Variants in STYXL2 observed in about 807,000 individuals in gnomAD.
The protein encoded by STYXL2 is serine/threonine/tyrosine interacting like 2, also known as serine/threonine/tyrosine-interacting-like protein 2.
In STYXL2, 44 loss-of-function variants were observed where a neutral mutation model predicts 52.4. The ratio of observed to expected loss-of-function variants is 0.84; its 90% CI spans 0.66 to 1.08. The LOEUF is 1.08. STYXL2 is among the 50% of genes least tolerant of loss of function. The pLI, the probability that STYXL2 is intolerant of heterozygous loss-of-function variation, is 0.00. For synonymous variants in STYXL2, 604 were observed against 586.9 expected, an observed-to-expected ratio of 1.03 and a Z score of -0.42; for missense variants, 1,604 against 1,471.7, an observed-to-expected ratio of 1.09 and a Z score of -1.47.
intron 2 of STYXL2, among the ~76,000 whole-genome samples, chr1:167,112,575 C>A (rs1667641916): frequency 6.6e-6 from 1 of 152,166 alleles, no homozygotes; most frequent in South Asian, 2.1e-4. Context: ...GTCTGGGAAT[C>A]CAGCTGGGGT....
At chr1:167,113,538 A>C (rs890852700) in intron 2 of STYXL2, among the ~76,000 whole-genome samples, 172 bp from the exon 3 acceptor site, 10 of 152,218 alleles carry the variant, frequency 6.6e-5, no homozygotes, top group Non-Finnish European at 1.5e-4. Flanking sequence ...CATCTGAGTC[A>C]CATGATACCC....
intron 3 of STYXL2, among the ~76,000 whole-genome samples, chr1:167,114,801 G>T (rs996880138): frequency 1.3e-5 from 2 of 151,920 alleles, no homozygotes; most frequent in South Asian, 2.1e-4. Flanking sequence ...CTGTTGTCTT[G>T]CTCCAAGATA....
chr1:167,112,879 C>T (rs1667647142), intron 2 of STYXL2, among the ~76,000 whole-genome samples: 2 of 152,198 alleles, frequency 1.3e-5, no homozygotes, highest in South Asian at 4.1e-4. Context: ...AAAGACTAAG[C>T]AGAAAAAAGA....
chr1:167,117,936 C>T (rs1667764249), intron 4 of STYXL2, among the ~76,000 whole-genome samples: 1 of 152,176 alleles, frequency 6.6e-6, no homozygotes, highest in African/African-American at 2.4e-5. Context: ...TATGTAATTA[C>T]CAACATTGGA....
intron 2 of STYXL2, among the ~76,000 whole-genome samples, chr1:167,102,464 A>T (rs1160383555): frequency 6.6e-6 from 1 of 152,198 alleles, no homozygotes; most frequent in African/African-American, 2.4e-5. Context: ...AATCAAAAAA[A>T]TCAGAATACC....
intron 2 of STYXL2, among the ~76,000 whole-genome samples, chr1:167,096,330 A>G (rs1038226388): frequency 6.6e-6 from 1 of 152,220 alleles, no homozygotes; most frequent in African/African-American, 2.4e-5. Flanking sequence ...GATTTAACAT[A>G]GGTCCTCCTC....
rs61748779 is a variant in STYXL2 at position 167,127,724 on chromosome 1, C to T, written c.2593C>T (p.Arg865Cys). The T allele has an allele frequency of 1.1e-3, 1,823 of 1,613,826 alleles. 3 individuals are homozygous for T. Among genetic ancestry groups the T allele is most frequent in the Non-Finnish European group, 1.3e-3 (1,503 of 1,179,992 alleles). Residue 865 changes from arginine (R) to cysteine (C), a missense_variant, in exon 6 of 6, where the codon CGC (arginine) becomes TGC (cysteine). Coordinates refer to ENST00000361200, the MANE Select transcript of STYXL2 (RefSeq NM_001080426.3). Reference sequence around the variant, plus strand: ...GGAAAAGCTGGCCTCAGACAACAAACGCAGCTCCCTCTTCAAGAAGAAGAA... The same window carrying T: ...GGAAAAGCTGGCCTCAGACAACAAATGCAGCTCCCTCTTCAAGAAGAAGAA... ...KMEKLASDNK[R>C]SSLFKKKKVK...
intron 2 of STYXL2, among the ~76,000 whole-genome samples, chr1:167,098,272 G>A (rs1014582408): frequency 6.6e-6 from 1 of 152,024 alleles, no homozygotes; most frequent in African/African-American, 2.4e-5. Flanking sequence ...AGCTCTCAAA[G>A]TGCTGGGATT....
intron 4 of STYXL2, among the ~76,000 whole-genome samples, chr1:167,118,993 C>G (rs996375562): frequency 2.0e-5 from 3 of 152,202 alleles, no homozygotes; most frequent in African/African-American, 7.2e-5. Context: ...TCAAATGTTT[C>G]CTTACACATC....
chr1:167,111,837 C>T (rs1261367066), intron 2 of STYXL2, among the ~76,000 whole-genome samples: 1 of 151,924 alleles, frequency 6.6e-6, no homozygotes, highest in Non-Finnish European at 1.5e-5. Flanking sequence ...TCAGAAATCA[C>T]CACTAAAGAA....
intron 5 of STYXL2, among the ~76,000 whole-genome samples, chr1:167,121,616 G>A (rs1667859057): frequency 6.6e-6 from 1 of 152,260 alleles, no homozygotes; most frequent in Non-Finnish European, 1.5e-5. Flanking sequence ...CGCGGAGGCG[G>A]AGTCGGTGCC....
chr1:167,119,332 C>G lies in STYXL2; in HGVS notation c.521C>G (p.Thr174Ser). ...GCTGCGCATGGCACCGGCGTTTACA[C>G]TGGCCCCGAATTCTACACTGGCCTG... ...LNAAHGTGVY[T>S]GPEFYTGLEI... Residue 174 changes from threonine to serine, a missense_variant, in exon 5 of 6, where the codon ACT (threonine) becomes AGT (serine). Transcript: ENST00000361200. 1 of 1,614,092 alleles carries G rather than the reference C, an allele frequency of 6.2e-7. No individual in the cohort carries two copies. The highest frequency in any genetic ancestry group is 8.5e-7 in the Non-Finnish European group (1 of 1,180,004).
In STYXL2 at chr1:167,127,451, C is replaced by T; in HGVS notation, c.2320C>T (p.His774Tyr). Reference sequence around the variant, plus strand: ...TGACCAAGTCTCCATGCTTAGTGGACACAGCAGCTCCTCCTTGGGTGGCTG... The same window carrying T: ...TGACCAAGTCTCCATGCTTAGTGGATACAGCAGCTCCTCCTTGGGTGGCTG... ...GDDQVSMLSG[H>Y]SSSSLGGCLL... The change falls in exon 6 of 6, where the codon CAC becomes TAC. Residue 774 changes from histidine to tyrosine, a missense_variant. Coordinates refer to ENST00000361200, the MANE Select transcript of STYXL2 (RefSeq NM_001080426.3). 3 of 1,614,090 alleles carry T rather than the reference C, an allele frequency of 1.9e-6. No homozygotes were observed. The highest frequency in any genetic ancestry group is 2.5e-6 in the Non-Finnish European group (3 of 1,179,996).
chr1:167,103,448 C>T (rs1465081812), intron 2 of STYXL2, among the ~76,000 whole-genome samples: 4 of 152,160 alleles, frequency 2.6e-5, no homozygotes, highest in African/African-American at 9.7e-5. Flanking sequence ...CCAAAATTAG[C>T]AGGGATGTAC....
chr1:167,095,454 T>C (rs1282053568), intron 2 of STYXL2, among the ~76,000 whole-genome samples: 3 of 152,106 alleles, frequency 2.0e-5, no homozygotes, highest in African/African-American at 4.8e-5. Context: ...AACTGGGACA[T>C]GTGCATGCCT....
intron 3 of STYXL2, among the ~76,000 whole-genome samples, chr1:167,116,246 C>A (rs1667719081): frequency 6.6e-6 from 1 of 152,098 alleles, no homozygotes; most frequent in Non-Finnish European, 1.5e-5. Context: ...AAACTGTGAG[C>A]AAATATATTA....
chr1:167,116,497 A>G lies in STYXL2; in HGVS notation c.206-831A>G, dbSNP rs1313332211. 2.6e-5 allele frequency among the ~76,000 whole-genome samples: 4 copies of G among 152,354 alleles called. No homozygotes were observed. The East Asian group carries it at 7.7e-4, about 29-fold the overall frequency. On this transcript the variant is annotated intron_variant, in intron 3 of 5. Transcript: ENST00000361200. ...TAAATCAGTAAATTAGGTGTATATT[A>G]GAAGGCAATATTGCATAAATTACTG...
At position 167,128,602 on chromosome 1, in the gene STYXL2, G is replaced by A. The variant is rs1170982894; in HGVS notation, c.3471G>A (p.Glu1157=). The change falls in exon 6 of 6, where the codon GAG becomes GAA. Residue 1157 remains glutamate (E), a synonymous_variant. Coordinates refer to ENST00000361200, the MANE Select transcript of STYXL2 (RefSeq NM_001080426.3). Reference sequence around the variant, plus strand: ...GGACCAAGCTGCAGAAAAGGAGGGAGGACTGAGCTGGGGAAAATCTGAGAA... The same window carrying A: ...GGACCAAGCTGCAGAAAAGGAGGGAAGACTGAGCTGGGGAAAATCTGAGAA... ...ETRTKLQKRR[E]D is the part of the protein sequence containing the mutation. 6.2e-7 allele frequency: 1 copy of A among 1,608,880 alleles called. No homozygotes were observed. Among genetic ancestry groups the A allele is most frequent in the African/African-American group, 1.3e-5 (1 of 74,510 alleles).
chr1:167,128,814 A>G lies in STYXL2; in HGVS notation c.*206A>G. 1.3e-6 allele frequency: 1 copy of G among 766,982 alleles called. No individual in the cohort carries two copies. Among genetic ancestry groups the G allele is most frequent in the Non-Finnish European group, 1.9e-6 (1 of 514,236 alleles). 47.5% of individuals were successfully genotyped at this position (766,982 alleles called of 1,614,324 possible). ...GGGGAGAACCATCAATACGAATACG[A>G]GGTCCGAATGCGGACCAACTGATAC... On this transcript the variant is annotated 3_prime_UTR_variant, in exon 6 of 6. Transcript: ENST00000361200.
Sources: allele counts gnomAD v4.1 joint callset (sites outside exome capture counted in the v4.1 genomes callset), GRCh38; gene constraint gnomAD v4.1.1; transcripts MANE v1.5; gene names NCBI Gene and HGNC (gene_info 2026-07-23, HGNC 2026-07-21).